Variants in ADGRL4 observed in about 807,000 individuals in gnomAD.
The protein encoded by ADGRL4 is adhesion G protein-coupled receptor L4, also known as EGF, latrophilin and seven transmembrane domain containing 1.
Under a neutral mutation model 74.8 loss-of-function variants are expected in ADGRL4, and 90 were observed. That is an observed-to-expected ratio of 1.20 (90% CI 1.02 to 1.43). The LOEUF (loss-of-function observed/expected upper bound fraction) is 1.43. Ranked by LOEUF, ADGRL4 falls within the 40% of genes most tolerant of loss-of-function variation. ADGRL4 has a pLI of 0.00. For synonymous variants in ADGRL4, 311 were observed against 279.2 expected, an observed-to-expected ratio of 1.11 and a Z score of -1.14; for missense variants, 881 against 814.3, an observed-to-expected ratio of 1.08 and a Z score of -1.00.
chr1:78,917,593 T>C, intron 12 of ADGRL4, 41 bp downstream of exon 12: 1 of 1,352,780 alleles, frequency 7.4e-7, no homozygotes, highest in Non-Finnish European at 1.0e-6. Context: ...CCTATGATCA[T>C]CACTTTTTTG....
At chr1:78,912,451 T>G (rs1303772844) in intron 12 of ADGRL4, among the ~76,000 whole-genome samples, 1 of 151,772 alleles carries the variant, frequency 6.6e-6, no homozygotes, top group Non-Finnish European at 1.5e-5. Context: ...TGTCAAATCA[T>G]CAGCAGCATT....
chr1:78,976,193 T>C (rs1318614895), intron 2 of ADGRL4, among the ~76,000 whole-genome samples: 1 of 151,860 alleles, frequency 6.6e-6, no homozygotes, highest in African/African-American at 2.4e-5. Flanking sequence ...AGAATCTAGA[T>C]AACTGCAGAG....
intron 12 of ADGRL4, among the ~76,000 whole-genome samples, chr1:78,897,812 C>T (rs909290265): frequency 1.3e-5 from 2 of 152,046 alleles, no homozygotes; most frequent in African/African-American, 4.8e-5. Flanking sequence ...CCCAGTTACC[C>T]CTAATGTCAT....
intron 2 of ADGRL4, among the ~76,000 whole-genome samples, chr1:78,977,067 C>A (rs367722880): frequency 6.6e-6 from 1 of 151,642 alleles, no homozygotes; most frequent in African/African-American, 2.4e-5. Context: ...AGCACCATGA[C>A]TAAGTTGGGT....
chr1:78,917,387 T>A (rs1648897449), intron 12 of ADGRL4, among the ~76,000 whole-genome samples: 1 of 151,002 alleles, frequency 6.6e-6, no homozygotes, highest in Non-Finnish European at 1.5e-5. Flanking sequence ...TGATTTTTTT[T>A]ATATTTAAAA....
chr1:78,950,661 G>T (rs1649704140), intron 2 of ADGRL4, among the ~76,000 whole-genome samples: 1 of 151,996 alleles, frequency 6.6e-6, no homozygotes, highest in Non-Finnish European at 1.5e-5. Context: ...ACAGGTGATA[G>T]CTACATGCAA....
intron 4 of ADGRL4, among the ~76,000 whole-genome samples, chr1:78,938,502 G>T (rs1649407000): frequency 6.8e-6 from 1 of 148,078 alleles, no homozygotes; most frequent in African/African-American, 2.5e-5. Context: ...CTTTAGAAAA[G>T]AAATAGAGCA....
intron 2 of ADGRL4, among the ~76,000 whole-genome samples, chr1:78,969,777 T>C (rs1650133978): frequency 6.6e-6 from 1 of 152,010 alleles, no homozygotes. Context: ...TATCGTACAT[T>C]TGTCATTAAT....
chr1:78,988,967 A>G (rs1194410315), intron 2 of ADGRL4, among the ~76,000 whole-genome samples: 1 of 151,880 alleles, frequency 6.6e-6, no homozygotes, highest in Non-Finnish European at 1.5e-5. Flanking sequence ...TTTCATAATA[A>G]TAATTAAAAG....
chr1:78,958,125 G>T (rs1473715708), intron 2 of ADGRL4, among the ~76,000 whole-genome samples: 1 of 151,818 alleles, frequency 6.6e-6, no homozygotes, highest in African/African-American at 2.4e-5. Context: ...AGAAAACAAG[G>T]TTCCTTTCAA....
chr1:78,974,160 C>A (rs1300128940), intron 2 of ADGRL4, among the ~76,000 whole-genome samples: 2 of 152,074 alleles, frequency 1.3e-5, no homozygotes, highest in African/African-American at 2.4e-5. Flanking sequence ...ATCTTCAGTG[C>A]AAAATATTTT....
intron 2 of ADGRL4, among the ~76,000 whole-genome samples, chr1:78,982,681 A>G (rs1650420584): frequency 6.6e-6 from 1 of 151,966 alleles, no homozygotes; most frequent in Non-Finnish European, 1.5e-5. Context: ...AAAATATGAC[A>G]AAGAAAATAA....
Position 78,889,908 on chromosome 1 carries a change from A to T in ADGRL4, c.*1246T>A. On this transcript the variant is annotated 3_prime_UTR_variant, in exon 15 of 15. Coordinates refer to ENST00000370742, the MANE Select transcript of ADGRL4 (RefSeq NM_022159.4). ...AGAAAAATTACCTATTTTTGAGATC[A>T]AAATCACTGCTTATACATTTTAATG... 1 of 443,102 alleles carries T rather than the reference A, an allele frequency of 2.3e-6. No homozygotes were observed. The highest frequency in any genetic ancestry group is 1.7e-5 in the South Asian group (1 of 59,098). The allele number at this position is 443,102 out of a possible 1,614,324, so 27.4% of individuals were successfully genotyped here.
intron 8 of ADGRL4, among the ~76,000 whole-genome samples, chr1:78,924,108 C>A (rs1649060812): frequency 6.6e-6 from 1 of 151,798 alleles, no homozygotes; most frequent in Non-Finnish European, 1.5e-5. Flanking sequence ...ATTCAAAAGA[C>A]AATAAATTTT....
At chr1:78,899,306 C>G (rs894524882) in intron 12 of ADGRL4, among the ~76,000 whole-genome samples, 3 of 152,184 alleles carry the variant, frequency 2.0e-5, no homozygotes, top group Non-Finnish European at 4.4e-5. Context: ...CCATATACAG[C>G]AGCTTTTCAT....
chr1:78,911,788 T>C (rs1385682666), intron 12 of ADGRL4, among the ~76,000 whole-genome samples: 3 of 151,884 alleles, frequency 2.0e-5, no homozygotes, highest in African/African-American at 7.2e-5. Flanking sequence ...GCATTTTCCT[T>C]TTTTAATTGT....
intron 13 of ADGRL4, 67 bp downstream of exon 13, chr1:78,893,031 C>T (rs1648317776): frequency 1.2e-6 from 1 of 840,450 alleles, no homozygotes; most frequent in Non-Finnish European, 1.9e-6. Flanking sequence ...ATTATTTGTA[C>T]TTTGAGTTAC....
chr1:78,950,151 A>C (rs1035847366), intron 2 of ADGRL4, among the ~76,000 whole-genome samples: 17 of 152,178 alleles, frequency 1.1e-4, no homozygotes, highest in Non-Finnish European at 2.9e-5. Context: ...TTATTGACAG[A>C]GAAGTATTAG....
chr1:78,890,901 T>C lies in ADGRL4; in HGVS notation c.*253A>G, dbSNP rs1221952274. ...AGTGATATCACTCCTGAGAAACCAA[T>C]TACTTTCCAAATATCTGCAATACTA... On this transcript the variant is annotated 3_prime_UTR_variant, in exon 15 of 15. Transcript: ENST00000370742. 2.2e-6 allele frequency: 1 copy of C among 456,942 alleles called. No homozygotes were observed. Among genetic ancestry groups the C allele is most frequent in the African/African-American group, 2.0e-5 (1 of 50,126 alleles). 28.3% of individuals were successfully genotyped at this position (456,942 alleles called of 1,614,324 possible).
Sources: gnomAD v4.1 joint callset for allele counts (sites outside exome capture counted in the v4.1 genomes callset) on GRCh38, gnomAD v4.1.1 for gene constraint, MANE v1.5 for transcripts, NCBI Gene and HGNC (gene_info 2026-07-23, HGNC 2026-07-21) for gene names.